The following PTH1R variants were observed in gnomAD, a reference collection of about 807,000 sequenced individuals.
The protein encoded by PTH1R is parathyroid hormone/parathyroid hormone-related peptide receptor.
Under a neutral mutation model 70.7 loss-of-function variants are expected in PTH1R, and 32 were observed. The ratio of observed to expected loss-of-function variants is 0.45; its 90% CI spans 0.34 to 0.61. The LOEUF (loss-of-function observed/expected upper bound fraction) is 0.61, where lower values mean the gene tolerates loss of function less well. Ranked by LOEUF, PTH1R falls within the 20% of genes least tolerant of loss-of-function variation. The pLI is 0.01. For missense variants in PTH1R, 626 were observed against 792.5 expected (o/e 0.79, Z 2.52); for synonymous variants, 329 against 324.8 (o/e 1.01, Z -0.14).
chr3:46,889,578 G>A (rs1001955438), intron 3 of PTH1R, among the ~76,000 whole-genome samples: 1 of 152,160 alleles, frequency 6.6e-6, no homozygotes, highest in Non-Finnish European at 1.5e-5. Context: ...TGTGGTAGAA[G>A]GTGCAGGAGG....
chr3:46,887,456 G>GA (rs771034289), intron 3 of PTH1R, among the ~76,000 whole-genome samples: 1,500 of 63,616 alleles, frequency 0.024, 21 homozygotes, highest in Non-Finnish European at 0.031. Flanking sequence ...CCCTGTCTCT[G>GA]AAAAAAAAAA....
At chr3:46,898,540 A>AC (rs1400453902) in intron 8 of PTH1R, 68 bp downstream of exon 8, 3 of 1,593,810 alleles carry the variant, frequency 1.9e-6, no homozygotes, top group Non-Finnish European at 2.6e-6. Flanking sequence ...GTCTGATGCG[A>AC]CCCCCTCCCT....
Position 46,892,133 on chromosome 3 carries a change from A to AG in PTH1R, c.76-1773dup, listed in dbSNP as rs2031449234. Among the ~76,000 whole-genome samples the AG allele has an allele frequency of 3.3e-5, 5 of 152,220 alleles. No homozygotes were observed. Among genetic ancestry groups the AG allele is most frequent in the Non-Finnish European group, 7.4e-5 (5 of 68,016 alleles). ...CTCAGCCATAGCTGGGGAAGCAAAGAGACTAGGATAGAGGAGCTTAGGCCA... is the reference window on the plus strand; with the variant it reads ...CTCAGCCATAGCTGGGGAAGCAAAGAGGACTAGGATAGAGGAGCTTAGGCCA... On this transcript the variant is annotated intron_variant, in intron 3 of 15. Transcript: ENST00000449590. This position sits in a 1 kb window ranked among gnomAD's most constrained non-coding sequence, Gnocchi z 5.2.
At chr3:46,898,991 C>T in intron 9 of PTH1R, 134 bp downstream of exon 9, 3 of 742,690 alleles carry the variant, frequency 4.0e-6, no homozygotes. Flanking sequence ...TCAAACCCGT[C>T]TTATAGGGTC....
rs983312394 is a variant in PTH1R, at chr3:46,882,802, G to A, written c.-48-710G>A. On this transcript the variant is annotated intron_variant, in intron 2 of 15. Transcript: ENST00000449590. This position sits in a 1 kb window ranked among gnomAD's most constrained non-coding sequence, Gnocchi z 4.3. ...AGAGCGTCGGGGCCGCTGCGCGCCC[G>A]AGCCGCACAGGCGCAAGCGGGGCTC... Among the ~76,000 whole-genome samples the A allele has an allele frequency of 5.3e-5, 8 of 151,938 alleles. No individual in the cohort carries two copies. The highest frequency in any genetic ancestry group is 1.3e-4 in the Admixed American group (2 of 15,270).
chr3:46,883,786 C>T lies in PTH1R; in HGVS notation c.75+152C>T. On this transcript the variant is annotated intron_variant, in intron 3 of 15. Coordinates refer to ENST00000449590, the MANE Select transcript of PTH1R (RefSeq NM_000316.3). The surrounding 1 kb of genome is among the most constrained non-coding windows in gnomAD (Gnocchi z 6.4). ...ATCCAGGATCCTGGGTGCCTGCTGT[C>T]TCTGGGATGTCTGGACTGTGGGTTC... is the stretch of plus-strand genomic sequence containing the variant. The T allele has an allele frequency of 1.1e-6, 1 of 891,076 alleles. No individual in the cohort carries two copies. The highest frequency in any genetic ancestry group is 1.7e-6 in the Non-Finnish European group (1 of 579,448). 55.2% of individuals were successfully genotyped at this position (891,076 alleles called of 1,614,324 possible).
At position 46,898,358 on chromosome 3, in the gene PTH1R, T is replaced by C. The variant is rs2031883265; in HGVS notation, c.544-20T>C. The C allele has an allele frequency of 6.2e-7, 1 of 1,612,148 alleles. No individual in the cohort carries two copies. The highest frequency in any genetic ancestry group is 8.5e-7 in the Non-Finnish European group (1 of 1,178,358). ...CCTGGGTCCCAGGGCTCTGACTGTG[T>C]CTCCCCCCGCCCCGCACAGGAGGTG... On this transcript the variant is annotated intron_variant, in intron 7 of 15. Transcript: ENST00000449590.
At chr3:46,881,513 G>A (rs966129897) in intron 2 of PTH1R, among the ~76,000 whole-genome samples, 3 of 152,178 alleles carry the variant, frequency 2.0e-5, no homozygotes, top group African/African-American at 4.8e-5. Flanking sequence ...TGGCAGCCTC[G>A]AGCCTCCGGG....
At position 46,883,891 on chromosome 3, in the gene PTH1R, C is replaced by T. The variant is rs2030836721; in HGVS notation, c.75+257C>T. Among the ~76,000 whole-genome samples the T allele has an allele frequency of 6.6e-6, 1 of 152,228 alleles. No homozygotes were observed. The highest frequency in any genetic ancestry group is 6.5e-5 in the Admixed American group (1 of 15,284). ...CAATTTGTGGTTGAGTTTTCACCAT[C>T]CTCTGCTTCTGTGAGCACCATGGCT... On this transcript the variant is annotated intron_variant, in intron 3 of 15. Coordinates refer to ENST00000449590, the MANE Select transcript of PTH1R (RefSeq NM_000316.3). The surrounding 1 kb of genome is among the most constrained non-coding windows in gnomAD (Gnocchi z 6.4).
In PTH1R at chr3:46,883,643, C is replaced by T. The variant is rs200710310; in HGVS notation, c.75+9C>T. On this transcript the variant is annotated intron_variant, in intron 3 of 15. Transcript: ENST00000449590. This position sits in a 1 kb window ranked among gnomAD's most constrained non-coding sequence, Gnocchi z 6.4. Reference sequence around the variant, plus strand: ...GCTCCGCGTACGCGCTGGTGAGTCCCCCGCCGCCAACACTCCGGGACAGGC... The same window carrying T: ...GCTCCGCGTACGCGCTGGTGAGTCCTCCGCCGCCAACACTCCGGGACAGGC... 624 of 1,545,802 alleles carry T rather than the reference C, an allele frequency of 4.0e-4. 2 individuals carry two copies. Among genetic ancestry groups the T allele is most frequent in the Non-Finnish European group, 4.6e-4 (527 of 1,146,774 alleles).
chr3:46,903,045 G>T lies in PTH1R; in HGVS notation c.1396-225G>T. Reference sequence around the variant, plus strand: ...GGTTCAATTATCTGTGACCCAGATTGGAGGACTCAGCCACCTTTGGGGCAA... The same window carrying T: ...GGTTCAATTATCTGTGACCCAGATTTGAGGACTCAGCCACCTTTGGGGCAA... On this transcript the variant is annotated intron_variant, in intron 15 of 15. Transcript: ENST00000449590. The surrounding 1 kb of genome is among the most constrained non-coding windows in gnomAD (Gnocchi z 4.4). 9.9e-7 allele frequency: 1 copy of T among 1,007,438 alleles called. No homozygotes were observed. The highest frequency in any genetic ancestry group is 1.5e-6 in the Non-Finnish European group (1 of 665,508). 62.4% of individuals were successfully genotyped at this position (1,007,438 alleles called of 1,614,324 possible).
Position 46,882,829 on chromosome 3 carries a change from G to A in PTH1R, c.-48-683G>A, listed in dbSNP as rs2030702409. 2.6e-5 allele frequency among the ~76,000 whole-genome samples: 4 copies of A among 151,950 alleles called. No homozygotes were observed. In the South Asian group the frequency reaches 8.3e-4, roughly 31 times the overall value. ...GCCGCACAGGCGCAAGCGGGGCTCT[G>A]GCCAAGGATGGGGAAGGGGTGCGGG... On this transcript the variant is annotated intron_variant, in intron 2 of 15. Transcript: ENST00000449590. The surrounding 1 kb of genome is among the most constrained non-coding windows in gnomAD (Gnocchi z 4.3).
chr3:46,895,166 G>A (rs572937826), intron 4 of PTH1R, among the ~76,000 whole-genome samples: 4 of 151,032 alleles, frequency 2.6e-5, no homozygotes, highest in African/African-American at 4.8e-5. Context: ...GCATCTCAAC[G>A]GCCACTGTGG....
Position 46,902,541 on chromosome 3 carries a change from C to T in PTH1R, c.1227C>T (p.Ser409=). Residue 409 remains serine, a synonymous_variant, in exon 14 of 16, where the codon TCC becomes TCT. Transcript: ENST00000449590. This position sits in a 1 kb window ranked among gnomAD's most constrained non-coding sequence, Gnocchi z 5.4. Reference sequence around the variant, plus strand: ...GCTGGCCCAGGAAGCTGCTCAAATCCACGCTGGTGCTCATGCCCCTCTTTG... The same window carrying T: ...GCTGGCCCAGGAAGCTGCTCAAATCTACGCTGGTGCTCATGCCCCTCTTTG... ...TRQQYRKLLK[S]TLVLMPLFGV... 1.2e-6 allele frequency: 2 copies of T among 1,612,104 alleles called. No homozygotes were observed. Among genetic ancestry groups the T allele is most frequent in the East Asian group, 2.2e-5 (1 of 44,834 alleles).
At chr3:46,878,559 T>C (rs1429428464) in intron 1 of PTH1R, among the ~76,000 whole-genome samples, 2 of 152,172 alleles carry the variant, frequency 1.3e-5, no homozygotes, top group Admixed American at 6.5e-5. Context: ...TGGGGAAATA[T>C]AAGGACTCAG....
rs1193100578 is a variant in PTH1R at position 46,892,794 on chromosome 3, TGAG to T, written c.76-1109_76-1107del. The T allele has an allele frequency of 1.1e-5, 11 of 985,606 alleles. No homozygotes were observed. The highest frequency in any genetic ancestry group is 3.5e-5 in the African/African-American group (2 of 57,236). 61.1% of individuals were successfully genotyped at this position (985,606 alleles called of 1,614,324 possible). On this transcript the variant is annotated intron_variant, in intron 3 of 15. Coordinates refer to ENST00000449590, the MANE Select transcript of PTH1R (RefSeq NM_000316.3). This position sits in a 1 kb window ranked among gnomAD's most constrained non-coding sequence, Gnocchi z 5.2. ...GAAGGATGCAGCTCTGCCGCGGAGCTGAGGAGACGTAGCCTTCTGGGGTAGGGA... is the reference window on the plus strand; with the variant it reads ...GAAGGATGCAGCTCTGCCGCGGAGCTGAGACGTAGCCTTCTGGGGTAGGGA...
intron 8 of PTH1R, 37 bp from the exon 9 acceptor site, chr3:46,898,625 C>T: frequency 3.7e-6 from 6 of 1,609,128 alleles, no homozygotes; most frequent in Non-Finnish European, 5.1e-6. Flanking sequence ...CGCGCGTCCC[C>T]GTGCCCCCAC....
intron 3 of PTH1R, among the ~76,000 whole-genome samples, chr3:46,887,940 G>A (rs760473238): frequency 2.0e-5 from 3 of 152,194 alleles, no homozygotes; most frequent in Non-Finnish European, 2.9e-5. Context: ...GTGTCCCCAT[G>A]TGACTATTTC....
chr3:46,886,984 C>T (rs547199638), intron 3 of PTH1R, among the ~76,000 whole-genome samples: 55 of 152,200 alleles, frequency 3.6e-4, no homozygotes, highest in African/African-American at 1.3e-3. Flanking sequence ...TGGCTCACAC[C>T]TGTAATCCTA....
Sources: gnomAD v4.1 joint callset for allele counts (sites outside exome capture counted in the v4.1 genomes callset) on GRCh38, gnomAD v4.1.1 for gene constraint, Gnocchi (gnomAD v3.1) non-coding constraint, MANE v1.5 for transcripts, NCBI Gene and HGNC (gene_info 2026-07-23, HGNC 2026-07-21) for gene names.